The following ASTN2 variants were observed in gnomAD, a reference collection of about 807,000 sequenced individuals.
ASTN2 encodes the protein astrotactin 2.
ASTN2 carries 54 observed loss-of-function variants against 139.8 expected under a neutral mutation model. The observed-to-expected ratio is 0.39, with a 90% confidence interval of 0.31 to 0.48. The LOEUF (loss-of-function observed/expected upper bound fraction) is 0.48. Ranked by LOEUF, ASTN2 falls within the 20% of genes least tolerant of loss-of-function variation. The pLI is 0.95. For synonymous variants in ASTN2, 756 were observed against 719.5 expected (o/e 1.05, Z -0.81); for missense variants, 1,565 against 1,725.1 (o/e 0.91, Z 1.64).
chr9:116,869,686 G>T (rs1380705082), intron 10 of ASTN2, among the ~76,000 whole-genome samples: 2 of 152,176 alleles, frequency 1.3e-5, no homozygotes, highest in Non-Finnish European at 2.9e-5. Context: ...TACAGGGCTA[G>T]ATAGTAAAGA....
chr9:116,461,175 T>A (rs1365559672), intron 20 of ASTN2, among the ~76,000 whole-genome samples: 1 of 151,734 alleles, frequency 6.6e-6, no homozygotes, highest in Non-Finnish European at 1.5e-5. Flanking sequence ...TTACCCAGCT[T>A]TATTTTTCCT....
intron 5 of ASTN2, among the ~76,000 whole-genome samples, chr9:117,041,031 C>A (rs1838551865): frequency 6.6e-6 from 1 of 152,116 alleles, no homozygotes. Context: ...GTGTTACGAC[C>A]TAGAAGAGAG....
rs370398036 is a variant in ASTN2 at position 117,126,535 on chromosome 9, T to C, written c.1168+14791A>G. Among the ~76,000 whole-genome samples the C allele has an allele frequency of 4.1e-4, 62 of 152,194 alleles. 5 individuals carry two copies. Among genetic ancestry groups the C allele is most frequent in the Admixed American group, 1.9e-3 (29 of 15,274 alleles). Reference sequence around the variant, plus strand: ...AATAATTGTGGTTTCCTATCAGATATATGTCCCAAATTAGAAAGTAGAATA... The same window carrying C: ...AATAATTGTGGTTTCCTATCAGATACATGTCCCAAATTAGAAAGTAGAATA... On this transcript the variant is annotated intron_variant, in intron 4 of 22. Coordinates refer to ENST00000313400, the MANE Select transcript of ASTN2 (RefSeq NM_001365068.1).
At chr9:117,029,713 G>A (rs1448014025) in intron 6 of ASTN2, among the ~76,000 whole-genome samples, 2 of 151,942 alleles carry the variant, frequency 1.3e-5, no homozygotes, top group African/African-American at 4.8e-5. Context: ...GGAAGAAAGG[G>A]AAGAAGCAGA....
intron 22 of ASTN2, among the ~76,000 whole-genome samples, chr9:116,435,532 C>T (rs1847623993): frequency 6.6e-6 from 1 of 152,200 alleles, no homozygotes; most frequent in South Asian, 2.1e-4. Context: ...GAACTCTCCT[C>T]TTTCACTTCG....
At chr9:116,657,313 C>T (rs1404092383) in intron 16 of ASTN2, among the ~76,000 whole-genome samples, 1 of 152,044 alleles carries the variant, frequency 6.6e-6, no homozygotes, top group East Asian at 1.9e-4. Context: ...AAGTAAGGGG[C>T]CTGGAACAAG....
intron 20 of ASTN2, among the ~76,000 whole-genome samples, chr9:116,486,344 T>C (rs1374934133): frequency 5.3e-5 from 8 of 152,128 alleles, no homozygotes; most frequent in Non-Finnish European, 8.8e-5. Flanking sequence ...AATGAAGTAA[T>C]TGATGAATGA....
At chr9:116,656,677 G>T (rs1858231801) in intron 16 of ASTN2, among the ~76,000 whole-genome samples, 2 of 77,422 alleles carry the variant, frequency 2.6e-5, no homozygotes, top group African/African-American at 4.8e-5. Flanking sequence ...TTATTTTGTT[G>T]CCACCAAAAA....
chr9:116,999,857 G>T (rs1249437121), intron 7 of ASTN2, among the ~76,000 whole-genome samples: 1 of 152,024 alleles, frequency 6.6e-6, no homozygotes, highest in Non-Finnish European at 1.5e-5. Context: ...ACCATGCCTG[G>T]CCAGTAATTT....
intron 4 of ASTN2, among the ~76,000 whole-genome samples, chr9:117,125,831 G>GT (rs1554780985): frequency 0.19 from 29,418 of 151,432 alleles, 2,949 homozygotes; most frequent in African/African-American, 0.23. Context: ...CATTGCGGCG[G>GT]GGGGGGGAAT....
intron 13 of ASTN2, among the ~76,000 whole-genome samples, chr9:116,743,995 G>A (rs1156688397): frequency 6.6e-6 from 1 of 152,188 alleles, no homozygotes; most frequent in Non-Finnish European, 1.5e-5. Context: ...AGGGACAAAG[G>A]AAATGAAGAG....
At chr9:116,473,443 G>A (rs72757890) in intron 20 of ASTN2, among the ~76,000 whole-genome samples, 8,522 of 152,180 alleles carry the variant, frequency 0.056, 317 homozygotes, top group East Asian at 0.16. Context: ...CTCTTGTTAC[G>A]TCAGATGATG....
At chr9:116,950,122 G>A (rs10817967) in intron 10 of ASTN2, among the ~76,000 whole-genome samples, 32,048 of 152,084 alleles carry the variant, frequency 0.21, 3,529 homozygotes, top group Admixed American at 0.28. Flanking sequence ...TCTCAATCTT[G>A]CCAGCATTGG....
At position 117,145,223 on chromosome 9, in the gene ASTN2, G is replaced by T. The variant is rs148349352; in HGVS notation, c.1016-3745C>A. On this transcript the variant is annotated intron_variant, in intron 3 of 22. Coordinates refer to ENST00000313400, the MANE Select transcript of ASTN2 (RefSeq NM_001365068.1). ...ACACATGCACAGGAGAGAGCTGGAC[G>T]CTCTGGAGACTCAATACCCGCATTC... Among the ~76,000 whole-genome samples, 663 of 152,246 alleles carry T rather than the reference G, an allele frequency of 4.4e-3. 4 individuals are homozygous for T. The highest frequency in any genetic ancestry group is 0.015 in the African/African-American group (619 of 41,556).
chr9:116,789,920 C>CT (rs57433960), intron 13 of ASTN2, among the ~76,000 whole-genome samples: 7,386 of 93,122 alleles, frequency 0.079, 333 homozygotes, highest in East Asian at 0.16. Context: ...TTCTCTTTCT[C>CT]TTTTTTTTTT....
At chr9:116,635,503 A>G (rs1325648631) in intron 17 of ASTN2, among the ~76,000 whole-genome samples, 1 of 152,210 alleles carries the variant, frequency 6.6e-6, no homozygotes, top group Non-Finnish European at 1.5e-5. Flanking sequence ...ACCTATATCT[A>G]TAAACCTATA....
chr9:117,084,624 C>G (rs527674490), intron 5 of ASTN2, among the ~76,000 whole-genome samples: 2 of 152,210 alleles, frequency 1.3e-5, no homozygotes, highest in African/African-American at 4.8e-5. Context: ...AGACCTGATA[C>G]AAAAGTGACA....
chr9:116,690,245 AT>A (rs1354490552), intron 16 of ASTN2, among the ~76,000 whole-genome samples: 1 of 152,186 alleles, frequency 6.6e-6, no homozygotes, highest in Admixed American at 6.5e-5. Flanking sequence ...AGTGCTTATT[AT>A]GTGCATTATC....
Position 117,414,393 on chromosome 9 carries a change from G to T in ASTN2, c.442+104C>A, listed in dbSNP as rs888663107. 1.0e-5 allele frequency: 16 copies of T among 1,525,468 alleles called. No homozygotes were observed. Among genetic ancestry groups the T allele is most frequent in the South Asian group, 9.9e-5 (8 of 80,884 alleles). The allele number at this position is 1,525,468 out of a possible 1,614,324, so 94.5% of individuals were successfully genotyped here. ...CCTCTACCCTCTGCCAACCCCACTC[G>T]GGGCAGCCCCGGGCAGGGATCCCCA... On this transcript the variant is annotated intron_variant, in intron 1 of 22. Transcript: ENST00000313400. The surrounding 1 kb of genome is among the most constrained non-coding windows in gnomAD (Gnocchi z 4.2).
Sources: allele counts gnomAD v4.1 joint callset (sites outside exome capture counted in the v4.1 genomes callset), GRCh38; gene constraint gnomAD v4.1.1; non-coding constraint Gnocchi (gnomAD v3.1); transcripts MANE v1.5; gene names NCBI Gene and HGNC (gene_info 2026-07-23, HGNC 2026-07-21).